The following RFT1 variants were observed in gnomAD, a reference collection of about 807,000 sequenced individuals.
RFT1 encodes the protein RFT1 glycolipid translocator homolog.
RFT1 carries 43 observed loss-of-function variants against 62.2 expected under a neutral mutation model. The ratio of observed to expected loss-of-function variants is 0.69; its 90% confidence interval spans 0.54 to 0.89. The LOEUF is 0.89. Among genes scored for constraint, RFT1 ranks in the 40% least tolerant of loss-of-function variants. The pLI, the probability that RFT1 is intolerant of heterozygous loss-of-function variation, is 0.00. For missense variants in RFT1, 605 were observed against 649.9 expected (o/e 0.93, Z 0.75); for synonymous variants, 262 against 264.6 (o/e 0.99, Z 0.10).
At chr3:53,094,315 T>C (rs1252789019) in intron 11 of RFT1, among the ~76,000 whole-genome samples, 1 of 151,342 alleles carries the variant, frequency 6.6e-6, no homozygotes, top group Non-Finnish European at 1.5e-5. Flanking sequence ...GCTGTGGAGA[T>C]ACGCTTTATC....
chr3:53,092,317 G>A, intron 12 of RFT1, 52 bp downstream of exon 12: 3 of 1,572,784 alleles, frequency 1.9e-6, no homozygotes, highest in Non-Finnish European at 2.6e-6. Flanking sequence ...TAGCGGGAGA[G>A]ACAGCGGGGC....
chr3:53,118,350 T>C (rs1426319490), intron 6 of RFT1, among the ~76,000 whole-genome samples: 1 of 152,072 alleles, frequency 6.6e-6, no homozygotes, highest in Non-Finnish European at 1.5e-5. Context: ...AGAGAAGCGA[T>C]CCTGAGTCCT....
chr3:53,111,752 G>T, intron 7 of RFT1, 78 bp downstream of exon 7: 1 of 1,215,272 alleles, frequency 8.2e-7, no homozygotes. Flanking sequence ...CAGGTGGTCT[G>T]GACCCAGGTA....
chr3:53,105,293 A>G (rs1011645124), intron 9 of RFT1, among the ~76,000 whole-genome samples: 2 of 152,222 alleles, frequency 1.3e-5, no homozygotes, highest in Non-Finnish European at 2.9e-5. Flanking sequence ...GCATGCCTGT[A>G]GTCCCAGCTA....
At position 53,089,347 on chromosome 3, in the gene RFT1, G is replaced by C. The variant is rs1700929842; in HGVS notation, c.*2556C>G. On this transcript the variant is annotated 3_prime_UTR_variant, in exon 13 of 13. Transcript: ENST00000296292. ...GTGGCCAGAGGAGCACAGGAAGTCA[G>C]CGATACTGTTCTTCTCACCAACGAA... The C allele has an allele frequency of 6.6e-6, 1 of 152,310 alleles. No homozygotes were observed. Among genetic ancestry groups the C allele is most frequent in the South Asian group, 2.1e-4 (1 of 4,838 alleles). 9.4% of individuals were successfully genotyped at this position (152,310 alleles called of 1,614,324 possible).
chr3:53,070,393 G>GTTTTTTTTTTTTT, the RFT1 span, among the ~76,000 whole-genome samples: 4 of 85,448 alleles, frequency 4.7e-5, 1 homozygote, highest in Non-Finnish European at 9.1e-5. Flanking sequence ...CTGTATTATG[G>GTTTTTTTTTTTTT]TTTTTTTTTT....
At chr3:53,083,936 CA>C (rs1315360533), downstream of RFT1, among the ~76,000 whole-genome samples, 1 of 152,240 alleles carries the variant, frequency 6.6e-6, no homozygotes, top group Non-Finnish European at 1.5e-5. Flanking sequence ...CATGCTATCC[CA>C]GTTTGTTCAT....
intron 3 of RFT1, among the ~76,000 whole-genome samples, chr3:53,123,320 C>T (rs908587580): frequency 5.9e-5 from 9 of 152,178 alleles, no homozygotes; most frequent in African/African-American, 1.4e-4. Context: ...CCATAAAAGG[C>T]TTTCAAGAAA....
chr3:53,072,580 G>A, the RFT1 span, among the ~76,000 whole-genome samples: 1 of 152,210 alleles, frequency 6.6e-6, no homozygotes, highest in Admixed American at 6.5e-5. Flanking sequence ...ACACTGACTT[G>A]TCACTCTCTG....
intron 7 of RFT1, among the ~76,000 whole-genome samples, chr3:53,108,508 C>T (rs1701554291): frequency 1.3e-5 from 2 of 151,746 alleles, no homozygotes; most frequent in African/African-American, 4.8e-5. Context: ...TCTGCCTCAG[C>T]CTCCTGAGTA....
rs528184485 is a variant in RFT1, at chr3:53,120,007, T to G, written c.573A>C (p.Thr191=). 56 of 1,598,062 alleles carry G rather than the reference T, an allele frequency of 3.5e-5. 1 individual carries two copies. The Middle Eastern group carries it at 1.5e-3, about 43-fold the overall frequency. ...AAATAACATAGCAGAGCACCAGAAC[T>G]GTGGTATAGAAAAGCTGAGAAAAAA... The part of the protein sequence containing the change: ...IFSLAQLFYT[T]VLVLCYVIYF... Residue 191 remains threonine, a synonymous_variant, in exon 6 of 13, where the codon ACA becomes ACC. Coordinates refer to ENST00000296292, the MANE Select transcript of RFT1 (RefSeq NM_052859.4).
At chr3:53,096,309 A>G (rs886165718) in intron 11 of RFT1, among the ~76,000 whole-genome samples, 1 of 152,168 alleles carries the variant, frequency 6.6e-6, no homozygotes, top group African/African-American at 2.4e-5. Flanking sequence ...CAGCCTTAAC[A>G]AAACAACAAA....
At chr3:53,092,959 C>CTG (rs1415851225) in intron 11 of RFT1, among the ~76,000 whole-genome samples, 2 of 152,212 alleles carry the variant, frequency 1.3e-5, no homozygotes, top group African/African-American at 4.8e-5. Context: ...GATGCTAACT[C>CTG]TGTGACAGGC....
chr3:53,124,811 A>C (rs549921774), intron 2 of RFT1, among the ~76,000 whole-genome samples: 1 of 152,124 alleles, frequency 6.6e-6, no homozygotes, highest in African/African-American at 2.4e-5. Flanking sequence ...ATCTCTACAA[A>C]AAATAAAAAA....
intron 6 of RFT1, among the ~76,000 whole-genome samples, chr3:53,115,761 A>C (rs1476568329): frequency 6.6e-6 from 1 of 152,224 alleles, no homozygotes; most frequent in Non-Finnish European, 1.5e-5. Context: ...TCCTCCGTGA[A>C]GCCTTCCTTG....
chr3:53,090,928 T>A lies in RFT1; in HGVS notation c.*975A>T, dbSNP rs1700970811. 4.6e-5 allele frequency: 7 copies of A among 152,236 alleles called. No homozygotes were observed. The allele number at this position is 152,236 out of a possible 1,614,324, so 9.4% of individuals were successfully genotyped here. On this transcript the variant is annotated 3_prime_UTR_variant, in exon 13 of 13. Coordinates refer to ENST00000296292, the MANE Select transcript of RFT1 (RefSeq NM_052859.4). Reference sequence around the variant, plus strand: ...TCCTGGGGCTGGAATTTGGTTGTATTGATCAATGCTGGAATTAATGGGTCA... The same window carrying A: ...TCCTGGGGCTGGAATTTGGTTGTATAGATCAATGCTGGAATTAATGGGTCA...
At chr3:53,107,354 G>T (rs1267275599) in intron 7 of RFT1, among the ~76,000 whole-genome samples, 1 of 152,010 alleles carries the variant, frequency 6.6e-6, no homozygotes, top group Non-Finnish European at 1.5e-5. Context: ...AGCCAGGATG[G>T]TCTCGATCTC....
intron 7 of RFT1, among the ~76,000 whole-genome samples, chr3:53,109,494 A>G (rs1701586601): frequency 6.6e-6 from 1 of 152,206 alleles, no homozygotes; most frequent in Non-Finnish European, 1.5e-5. Context: ...AAGTAACAGC[A>G]CATACATTTT....
the RFT1 span, among the ~76,000 whole-genome samples, chr3:53,078,470 C>T: frequency 6.6e-6 from 1 of 152,202 alleles, no homozygotes; most frequent in Non-Finnish European, 1.5e-5. Context: ...TAAACTTGGC[C>T]AGGCACAGTG....
Sources: gnomAD v4.1 joint callset for allele counts (sites outside exome capture counted in the v4.1 genomes callset) on GRCh38, gnomAD v4.1.1 for gene constraint, MANE v1.5 for transcripts, NCBI Gene and HGNC (gene_info 2026-07-23, HGNC 2026-07-21) for gene names.